The following MARK1 variants were observed in gnomAD, a reference collection of about 807,000 sequenced individuals.
The protein encoded by MARK1 is serine/threonine-protein kinase MARK1.
MARK1 carries 40 observed loss-of-function variants against 96.3 expected under a neutral mutation model. The observed-to-expected ratio is 0.42, with a 90% CI of 0.32 to 0.54. MARK1 has a LOEUF of 0.54. MARK1 is among the 20% of genes least tolerant of loss of function. The probability of loss-of-function intolerance (pLI) is 0.16; values close to 1 mark genes in which losing one functional copy is unlikely to be tolerated. For synonymous variants in MARK1, 317 were observed against 341.2 expected, an observed-to-expected ratio of 0.93 and a Z score of 0.78; for missense variants, 719 against 984.6, an observed-to-expected ratio of 0.73 and a Z score of 3.61.
At chr1:220,609,751 T>C (rs2102941833) in intron 6 of MARK1, among the ~76,000 whole-genome samples, 1 of 152,330 alleles carries the variant, frequency 6.6e-6, no homozygotes, top group Non-Finnish European at 1.5e-5. Context: ...GCAGGCCTGG[T>C]GGTGACAAAA....
chr1:220,661,136 C>G (rs1669457132), intron 17 of MARK1, among the ~76,000 whole-genome samples: 1 of 152,126 alleles, frequency 6.6e-6, no homozygotes, highest in South Asian at 2.1e-4. Context: ...GTTCAAGGAG[C>G]AGCATGGAGG....
Position 220,528,731 on chromosome 1 carries a change from G to T in MARK1, c.-92G>T, listed in dbSNP as rs1391189524. 1.8e-5 allele frequency: 22 copies of T among 1,231,636 alleles called. No homozygotes were observed. The highest frequency in any genetic ancestry group is 2.3e-5 in the Non-Finnish European group (21 of 894,214). 76.3% of individuals were successfully genotyped at this position (1,231,636 alleles called of 1,614,324 possible). A position where few individuals can be genotyped will look rare whatever the true frequency, so the allele number is the denominator to read the frequency against. ...CGGGAGCCGCTCGCCCCGGCCTTGT[G>T]CTCGCGTCCGCACCCCTTTCCTGTC... is the stretch of plus-strand genomic sequence containing the variant. On this transcript the variant is annotated 5_prime_UTR_variant, in exon 1 of 18. Coordinates refer to ENST00000366917, the MANE Select transcript of MARK1 (RefSeq NM_018650.5).
At position 220,528,579 on chromosome 1, in the gene MARK1, C is replaced by T. The variant is rs1660073398; in HGVS notation, c.-244C>T. On this transcript the variant is annotated 5_prime_UTR_variant, in exon 1 of 18. Transcript: ENST00000366917. ...CGCCGGGCAACCGCCTCGCCCGAAG[C>T]CCTCCCTCGTTACTGTCCGCATACC... 3 of 472,764 alleles carry T rather than the reference C, an allele frequency of 6.3e-6. No homozygotes were observed. Among genetic ancestry groups the T allele is most frequent in the South Asian group, 6.8e-5 (2 of 29,552 alleles). The allele number at this position is 472,764 out of a possible 1,614,324, so 29.3% of individuals were successfully genotyped here. A position where few individuals can be genotyped will look rare whatever the true frequency, so the allele number is the denominator to read the frequency against.
intron 3 of MARK1, among the ~76,000 whole-genome samples, chr1:220,596,665 T>A (rs896785608): frequency 6.6e-6 from 1 of 152,180 alleles, no homozygotes; most frequent in African/African-American, 2.4e-5. Context: ...ATTTATTGAT[T>A]CATTTTTGCA....
At chr1:220,626,548 T>G in intron 9 of MARK1, 1 of 475,686 alleles carries the variant, frequency 2.1e-6, no homozygotes. Context: ...TGCTGGCCTG[T>G]CGTGGTGGCT....
At chr1:220,538,628 G>A (rs1660895179) in intron 1 of MARK1, among the ~76,000 whole-genome samples, 2 of 151,072 alleles carry the variant, frequency 1.3e-5, no homozygotes, top group Non-Finnish European at 3.0e-5. Context: ...GTAGCTTGAT[G>A]GGGATGGCAT....
intron 3 of MARK1, among the ~76,000 whole-genome samples, chr1:220,587,339 CTCTCTCTCTCTCTG>C (rs991840257): frequency 1.1e-4 from 16 of 147,606 alleles, no homozygotes; most frequent in African/African-American, 3.9e-4. Flanking sequence ...TTCTCTCTCT[CTCTCTCTCTCTCTG>C]TCTCTCTCTC....
chr1:220,554,505 C>A (rs1325211302), intron 1 of MARK1, among the ~76,000 whole-genome samples: 7 of 152,100 alleles, frequency 4.6e-5, no homozygotes, highest in African/African-American at 1.7e-4. Flanking sequence ...AATTATGTGG[C>A]CCCAAATGTC....
chr1:220,645,943 C>T (rs1488187268), intron 13 of MARK1, among the ~76,000 whole-genome samples: 1 of 152,116 alleles, frequency 6.6e-6, no homozygotes, highest in African/African-American at 2.4e-5. Flanking sequence ...AAACCCACAG[C>T]CAATATCATA....
At position 220,618,271 on chromosome 1, in the gene MARK1, A is replaced by G; in HGVS notation, c.553-39A>G. The G allele has an allele frequency of 8.1e-7, 1 of 1,240,392 alleles. No individual in the cohort carries two copies. Among genetic ancestry groups the G allele is most frequent in the Non-Finnish European group, 1.2e-6 (1 of 854,778 alleles). 76.8% of individuals were successfully genotyped at this position (1,240,392 alleles called of 1,614,324 possible). ...TTTTACAAATATTTTTATTTTATGT[A>G]GGCTTTTTACATTGTTCTTTCTATT... On this transcript the variant is annotated intron_variant, in intron 7 of 17. Coordinates refer to ENST00000366917, the MANE Select transcript of MARK1 (RefSeq NM_018650.5). The surrounding 1 kb of genome is among the most constrained non-coding windows in gnomAD (Gnocchi z 4.6).
intron 1 of MARK1, among the ~76,000 whole-genome samples, chr1:220,536,733 C>A (rs1439160760): frequency 6.6e-6 from 1 of 152,128 alleles, no homozygotes; most frequent in Admixed American, 6.6e-5. Context: ...AGGTGCACAC[C>A]ACCATGGCCG....
At chr1:220,653,459 T>G (rs1668999783) in intron 16 of MARK1, 107 bp downstream of exon 16, 1 of 1,206,540 alleles carries the variant, frequency 8.3e-7, no homozygotes, top group South Asian at 1.7e-5. Context: ...TTTCATAACA[T>G]TTCATTAGAG....
chr1:220,639,595 G>T (rs1668159459), intron 13 of MARK1, among the ~76,000 whole-genome samples: 2 of 152,044 alleles, frequency 1.3e-5, no homozygotes, highest in African/African-American at 4.8e-5. Flanking sequence ...CCATGTCTGG[G>T]TCTATGTGAC....
rs1315656141 is a variant in MARK1 at position 220,650,658 on chromosome 1, T to C, written c.1509T>C (p.Asn503=). 1.2e-6 allele frequency: 2 copies of C among 1,613,556 alleles called. No individual in the cohort carries two copies. Among genetic ancestry groups the C allele is most frequent in the Admixed American group, 3.3e-5 (2 of 59,988 alleles). The stretch of plus-strand genomic sequence containing the variant: ...CTGGAGGTAGCATGGCAAGAAGGAA[T>C]ACATATGTCTGTGAAAGGACCACAG... ...VYSGGSMARR[N]TYVCERTTDR... Residue 503 remains asparagine, a synonymous_variant, in exon 14 of 18, where the codon AAT becomes AAC. Transcript: ENST00000366917.
chr1:220,557,622 A>G (rs2102764742), intron 1 of MARK1, among the ~76,000 whole-genome samples: 1 of 152,176 alleles, frequency 6.6e-6, no homozygotes, highest in African/African-American at 2.4e-5. Flanking sequence ...CTACCTATGT[A>G]CTCTTATGTT....
At chr1:220,566,001 G>GT (rs1663027863) in intron 1 of MARK1, among the ~76,000 whole-genome samples, 2 of 152,158 alleles carry the variant, frequency 1.3e-5, no homozygotes, top group South Asian at 4.1e-4. Flanking sequence ...ATGGATTTAG[G>GT]TTTTGCCTCT....
intron 9 of MARK1, among the ~76,000 whole-genome samples, chr1:220,621,544 A>G (rs1290239100): frequency 1.3e-5 from 2 of 152,118 alleles, no homozygotes; most frequent in Non-Finnish European, 2.9e-5. Flanking sequence ...TTTTTAATGA[A>G]TAGTTTGTGC....
intron 6 of MARK1, among the ~76,000 whole-genome samples, chr1:220,609,277 C>G (rs985585089): frequency 1.3e-5 from 2 of 152,212 alleles, no homozygotes; most frequent in Non-Finnish European, 2.9e-5. Flanking sequence ...GTTAGCTCTT[C>G]TTGTTGAATT....
At chr1:220,630,908 A>G (rs990361211) in intron 9 of MARK1, 127 bp from the exon 10 acceptor site, 7 of 649,480 alleles carry the variant, frequency 1.1e-5, no homozygotes, top group African/African-American at 3.7e-5. Flanking sequence ...TTGGCCCACT[A>G]ATCAAACTAG....
Sources: allele counts gnomAD v4.1 joint callset (sites outside exome capture counted in the v4.1 genomes callset), GRCh38; gene constraint gnomAD v4.1.1; non-coding constraint Gnocchi (gnomAD v3.1); transcripts MANE v1.5; gene names NCBI Gene and HGNC (gene_info 2026-07-23, HGNC 2026-07-21).